PNO1: variants seen among roughly 807,000 people sequenced by gnomAD.
PNO1 encodes the protein RNA-binding protein PNO1.
A neutral mutation model predicts 28.4 loss-of-function variants in PNO1; 16 were observed. The ratio of observed to expected loss-of-function variants is 0.56; its 90% confidence interval spans 0.38 to 0.85. PNO1 has a LOEUF of 0.85. PNO1 is among the 40% of genes least tolerant of loss of function. The probability of loss-of-function intolerance (pLI) is 0.00; values close to 1 mark genes in which losing one functional copy is unlikely to be tolerated. For missense variants in PNO1, 304 were observed against 312.2 expected, an observed-to-expected ratio of 0.97 and a Z score of 0.20; for synonymous variants, 115 against 110.8, an observed-to-expected ratio of 1.04 and a Z score of -0.24.
intron 5 of PNO1, among the ~76,000 whole-genome samples, chr2:68,170,470 G>A (rs957101268): frequency 6.6e-5 from 10 of 152,000 alleles, no homozygotes; most frequent in East Asian, 1.9e-4. Flanking sequence ...AATATTGGCC[G>A]GGCGTGATGG....
Position 68,162,275 on chromosome 2 carries a change from C to T in PNO1, c.452C>T (p.Ala151Val), listed in dbSNP as rs767059668. Reference protein sequence around the residue: ...ILGFQVEDALALIRLDDLFLE... With the variant: ...ILGFQVEDALVLIRLDDLFLE... ...GTTTTTATATTATAGGATGCACTTG[C>T]CCTCATCAGGTTGGATGACCTCTTC... Residue 151 changes from alanine (A) to valine (V), a missense_variant, in exon 4 of 7, where the codon GCC becomes GTC. Coordinates refer to ENST00000263657, the MANE Select transcript of PNO1 (RefSeq NM_020143.4). The T allele has an allele frequency of 1.9e-6, 3 of 1,611,714 alleles. No individual in the cohort carries two copies. The highest frequency in any genetic ancestry group is 2.5e-6 in the Non-Finnish European group (3 of 1,177,984).
chr2:68,166,137 T>C (rs1673991429), intron 5 of PNO1, among the ~76,000 whole-genome samples: 1 of 152,246 alleles, frequency 6.6e-6, no homozygotes, highest in Admixed American at 6.5e-5. Context: ...TTTTGTTGGG[T>C]GTATCAGTAG....
rs753350814 is a variant in PNO1, at chr2:68,158,083, A to G, written c.149A>G (p.Glu50Gly). The G allele has an allele frequency of 1.2e-6, 2 of 1,613,320 alleles. No homozygotes were observed. The highest frequency in any genetic ancestry group is 2.2e-5 in the South Asian group (2 of 91,036). ...EGGDAGRMDT[E>G]EARPAKRPVF... is the part of the protein sequence containing the mutation. ...GGGGATGCGGGCCGCATGGACACAG[A>G]GGAGGCCAGGCCGGCGAAGAGGCCC... Residue 50 changes from glutamate (E) to glycine (G), a missense_variant, in exon 1 of 7, where the codon GAG becomes GGG. Glu to Gly is a moderately conservative substitution (Grantham distance 98, BLOSUM62 -2). Coordinates refer to ENST00000263657, the MANE Select transcript of PNO1 (RefSeq NM_020143.4).
chr2:68,163,070 C>G (rs1446637781), intron 5 of PNO1, among the ~76,000 whole-genome samples: 2 of 152,162 alleles, frequency 1.3e-5, no homozygotes, highest in African/African-American at 2.4e-5. Context: ...TGAAAAATCC[C>G]AGTTCGAACC....
rs1297121406 is a variant in PNO1 at position 68,176,022 on chromosome 2, CTGAA to C, written c.*1226_*1229del. 2 of 152,186 alleles carry C rather than the reference CTGAA, an allele frequency of 1.3e-5. No homozygotes were observed. The highest frequency in any genetic ancestry group is 1.3e-4 in the Admixed American group (2 of 15,290). The allele number at this position is 152,186 out of a possible 1,614,324, so 9.4% of individuals were successfully genotyped here. A position where few individuals can be genotyped will look rare whatever the true frequency, so the allele number is the denominator to read the frequency against. On this transcript the variant is annotated 3_prime_UTR_variant, in exon 7 of 7. Coordinates refer to ENST00000263657, the MANE Select transcript of PNO1 (RefSeq NM_020143.4). ...TTGGGTACTTGAAATACAGCTTCTA[CTGAA>C]TGAATAATTCTAAAGTTGAAAAATA...
At chr2:68,160,262 A>G (rs914748886) in intron 2 of PNO1, among the ~76,000 whole-genome samples, 3 of 152,054 alleles carry the variant, frequency 2.0e-5, no homozygotes, top group Admixed American at 6.6e-5. Flanking sequence ...AGCATCTTCA[A>G]CATTTCTAAA....
chr2:68,171,749 C>T lies in PNO1; in HGVS notation c.621-1598C>T, dbSNP rs77998822. Reference sequence around the variant, plus strand: ...ACAGATGAGTCAAAAATAATAGGGCCTCACTGAGGTCATCATAAGGACTTT... The same window carrying T: ...ACAGATGAGTCAAAAATAATAGGGCTTCACTGAGGTCATCATAAGGACTTT... On this transcript the variant is annotated intron_variant, in intron 5 of 6. Coordinates refer to ENST00000263657, the MANE Select transcript of PNO1 (RefSeq NM_020143.4). Among the ~76,000 whole-genome samples, 81 of 152,140 alleles carry T rather than the reference C, an allele frequency of 5.3e-4. 1 individual carries two copies. The highest frequency in any genetic ancestry group is 1.8e-3 in the African/African-American group (75 of 41,496).
chr2:68,173,321 A>C, intron 5 of PNO1, 26 bp from the exon 6 acceptor site: 1 of 1,440,134 alleles, frequency 6.9e-7, no homozygotes, highest in Non-Finnish European at 9.8e-7. Flanking sequence ...CCCAGCCACT[A>C]ATTTGTCTCA....
rs200032442 is a variant in PNO1 at position 68,157,977 on chromosome 2, G to A, written c.43G>A (p.Gly15Ser). 4 of 1,614,134 alleles carry A rather than the reference G, an allele frequency of 2.5e-6. No individual in the cohort carries two copies. Among genetic ancestry groups the A allele is most frequent in the Non-Finnish European group, 3.4e-6 (4 of 1,180,016 alleles). The change falls in exon 1 of 7, where the codon GGC becomes AGC. Residue 15 changes from glycine (G) to serine (S), a missense_variant. Coordinates refer to ENST00000263657, the MANE Select transcript of PNO1 (RefSeq NM_020143.4). Reference protein sequence around the residue: ...METQSARAEEGFTQVTRKGGR... With the variant: ...METQSARAEESFTQVTRKGGR... ...AACGCAGAGCGCCAGGGCAGAGGAG[G>A]GCTTTACCCAGGTCACCCGCAAGGG...
chr2:68,165,680 C>CA (rs200089067), intron 5 of PNO1, among the ~76,000 whole-genome samples: 6,266 of 137,140 alleles, frequency 0.046, 351 homozygotes, highest in African/African-American at 0.14. Flanking sequence ...GACTCTGTCT[C>CA]AAAAAAAAAA....
In PNO1 at chr2:68,168,427, A is replaced by T. The variant is rs1193727987; in HGVS notation, c.621-4920A>T. On this transcript the variant is annotated intron_variant, in intron 5 of 6. Coordinates refer to ENST00000263657, the MANE Select transcript of PNO1 (RefSeq NM_020143.4). ...GTTACTGGGATCAGTCTCTTGTCCA[A>T]TCAAAGCTGTAGTTACTGTTTGTGG... Among the ~76,000 whole-genome samples, 7 of 152,216 alleles carry T rather than the reference A, an allele frequency of 4.6e-5. 1 individual carries two copies. Among genetic ancestry groups the T allele is most frequent in the African/African-American group, 1.7e-4 (7 of 41,454 alleles).
At chr2:68,169,165 G>A (rs969640609) in intron 5 of PNO1, among the ~76,000 whole-genome samples, 2 of 151,852 alleles carry the variant, frequency 1.3e-5, no homozygotes, top group African/African-American at 4.8e-5. Flanking sequence ...TCGTGACCTC[G>A]CAGTCCACCC....
At position 68,164,670 on chromosome 2, in the gene PNO1, A is replaced by T. The variant is rs1025581681; in HGVS notation, c.620+2007A>T. Among the ~76,000 whole-genome samples the T allele has an allele frequency of 2.6e-5, 4 of 152,106 alleles. No individual in the cohort carries two copies. The East Asian group carries it at 7.7e-4, about 29-fold the overall frequency. ...ATAAAAATTAGGTGTGATTGTGCACACCTGTAGCCCTAGCTGCTCAGGAGG... is the reference window on the plus strand; with the variant it reads ...ATAAAAATTAGGTGTGATTGTGCACTCCTGTAGCCCTAGCTGCTCAGGAGG... On this transcript the variant is annotated intron_variant, in intron 5 of 6. Transcript: ENST00000263657.
intron 2 of PNO1, among the ~76,000 whole-genome samples, 162 bp downstream of exon 2, chr2:68,158,691 A>G (rs994445320): frequency 1.6e-4 from 24 of 152,240 alleles, no homozygotes; most frequent in African/African-American, 5.8e-4. Flanking sequence ...TGCCTTAAAA[A>G]TCTGCATTCG....
chr2:68,158,423 G>C lies in PNO1; in HGVS notation c.251G>C (p.Arg84Thr). The part of the protein sequence containing the change: ...ETRKIPVPAN[R>T]YTPLKENWMK... ...AGGAAAATTCCAGTCCCAGCTAACAGATACACACCATTGAAAGAAAACTGG... is the reference window on the plus strand; with the variant it reads ...AGGAAAATTCCAGTCCCAGCTAACACATACACACCATTGAAAGAAAACTGG... The change falls in exon 2 of 7, where the codon AGA becomes ACA. Residue 84 changes from arginine (R) to threonine (T), a missense_variant. Physicochemically the swap from Arg to Thr is moderately conservative, Grantham distance 71. Transcript: ENST00000263657. 6.2e-7 allele frequency: 1 copy of C among 1,613,618 alleles called. No individual in the cohort carries two copies. Among genetic ancestry groups the C allele is most frequent in the Non-Finnish European group, 8.5e-7 (1 of 1,179,682 alleles).
At position 68,162,246 on chromosome 2, in the gene PNO1, G is replaced by A. The variant is rs753580817; in HGVS notation, c.442-19G>A. The A allele has an allele frequency of 5.6e-6, 9 of 1,596,388 alleles. No homozygotes were observed. The highest frequency in any genetic ancestry group is 1.7e-5 in the Admixed American group (1 of 58,960). ...GTGCAAATGGAAGGGGCTTCACGGTGTTTGTTTTTATATTATAGGATGCAC... is the reference window on the plus strand; with the variant it reads ...GTGCAAATGGAAGGGGCTTCACGGTATTTGTTTTTATATTATAGGATGCAC... On this transcript the variant is annotated intron_variant, in intron 3 of 6. Transcript: ENST00000263657.
intron 3 of PNO1, 90 bp downstream of exon 3, chr2:68,161,856 C>G: frequency 2.4e-6 from 2 of 837,374 alleles, no homozygotes; most frequent in Non-Finnish European, 3.9e-6. Flanking sequence ...AAAAAAAGGC[C>G]AGGCACAGTG....
chr2:68,165,119 C>T (rs1176208624), intron 5 of PNO1, among the ~76,000 whole-genome samples: 1 of 152,036 alleles, frequency 6.6e-6, no homozygotes, highest in Admixed American at 6.5e-5. Flanking sequence ...AATCCCAGCA[C>T]TTTGGGAGGC....
chr2:68,158,537 A>T lies in PNO1; in HGVS notation c.357+8A>T. On this transcript the variant is annotated splice_region_variant and intron_variant, in intron 2 of 6. Coordinates refer to ENST00000263657, the MANE Select transcript of PNO1 (RefSeq NM_020143.4). ...AGGAATGTAGAAATCAGGGTAAGGAAAATCTCAATCATTTCCCAATACACC... is the reference window on the plus strand; with the variant it reads ...AGGAATGTAGAAATCAGGGTAAGGATAATCTCAATCATTTCCCAATACACC... 6.2e-7 allele frequency: 1 copy of T among 1,609,130 alleles called. No homozygotes were observed. Among genetic ancestry groups the T allele is most frequent in the Non-Finnish European group, 8.5e-7 (1 of 1,177,896 alleles).
Sources: gnomAD v4.1 joint callset for allele counts (sites outside exome capture counted in the v4.1 genomes callset) on GRCh38, gnomAD v4.1.1 for gene constraint, MANE v1.5 for transcripts, NCBI Gene and HGNC (gene_info 2026-07-23, HGNC 2026-07-21) for gene names.